ZNF251: variants seen among roughly 807,000 people sequenced by gnomAD.
ZNF251 encodes the protein zinc finger protein 251.
ZNF251 carries 14 observed loss-of-function variants against 13.5 expected under a neutral mutation model. The observed-to-expected ratio is 1.04, with a 90% CI of 0.69 to 1.63. The LOEUF is 1.63. ZNF251 is among the 40% of genes most tolerant of loss of function. ZNF251 has a pLI of 0.00. For missense variants in ZNF251, 764 were observed against 834.9 expected (o/e 0.92, Z 1.05); for synonymous variants, 287 against 295.2 (o/e 0.97, Z 0.28).
chr8:144,725,323 T>A (rs1586680036), intron 4 of ZNF251, among the ~76,000 whole-genome samples: 1 of 150,234 alleles, frequency 6.7e-6, no homozygotes, highest in Non-Finnish European at 1.5e-5. Flanking sequence ...CCTCTTTTTT[T>A]AAAAGACAGG....
chr8:144,729,444 C>G (rs1383035379), intron 4 of ZNF251, among the ~76,000 whole-genome samples: 1 of 151,132 alleles, frequency 6.6e-6, no homozygotes, highest in African/African-American at 2.4e-5. Flanking sequence ...TCACGCCATT[C>G]TCCTGCCTCA....
At chr8:144,725,056 C>G (rs373636444) in intron 4 of ZNF251, among the ~76,000 whole-genome samples, 3 of 152,172 alleles carry the variant, frequency 2.0e-5, no homozygotes, top group African/African-American at 4.8e-5. Context: ...TCTTGTTGCC[C>G]AGACTGGAGT....
chr8:144,745,353 T>G (rs1256818792), intron 4 of ZNF251, among the ~76,000 whole-genome samples: 1 of 152,152 alleles, frequency 6.6e-6, no homozygotes, highest in African/African-American at 2.4e-5. Flanking sequence ...TTCATTGATC[T>G]ATTTTTTCTG....
At chr8:144,728,169 C>T (rs1225145143) in intron 4 of ZNF251, among the ~76,000 whole-genome samples, 3 of 152,010 alleles carry the variant, frequency 2.0e-5, no homozygotes, top group Non-Finnish European at 2.9e-5. Flanking sequence ...GGCCTAGTTT[C>T]GATATTGCTG....
At position 144,722,226 on chromosome 8, in the gene ZNF251, T is replaced by C. The variant is rs1028793389; in HGVS notation, c.1434A>G (p.Leu478=). The C allele has an allele frequency of 2.5e-6, 4 of 1,602,800 alleles. No individual in the cohort carries two copies. In the Admixed American group the frequency reaches 5.1e-5, roughly 20 times the overall value. ...KAFSQSSQLT[L]HQRVHTGEKP... ...TCTCTCCAGTGTGAACTCGCTGATG[T>C]AGGGTGAGCTGGGAGCTCTGGCTGA... Residue 478 remains leucine, a synonymous_variant, in exon 5 of 5, where the codon CTA becomes CTG. Coordinates refer to ENST00000292562, the MANE Select transcript of ZNF251 (RefSeq NM_138367.2). The surrounding 1 kb of genome is among the most constrained non-coding windows in gnomAD (Gnocchi z 4.8).
At chr8:144,724,137 A>T (rs1042155266) in intron 4 of ZNF251, among the ~76,000 whole-genome samples, 1 of 151,902 alleles carries the variant, frequency 6.6e-6, no homozygotes. Context: ...CCAGCTACTC[A>T]GGAGGCTGAG....
chr8:144,754,884 C>A, intron 1 of ZNF251, 81 bp from the exon 2 acceptor site: 1 of 1,457,174 alleles, frequency 6.9e-7, no homozygotes, highest in Admixed American at 2.8e-5. Flanking sequence ...CTGATTGCTG[C>A]TGTGGCCTCC....
intron 4 of ZNF251, among the ~76,000 whole-genome samples, chr8:144,727,715 A>C (rs1037521203): frequency 2.0e-5 from 3 of 152,222 alleles, no homozygotes; most frequent in African/African-American, 7.2e-5. Context: ...AGGGGGACTG[A>C]AACTGTCTCC....
intron 4 of ZNF251, among the ~76,000 whole-genome samples, chr8:144,740,661 T>C (rs1237633905): frequency 6.8e-6 from 1 of 146,128 alleles, no homozygotes; most frequent in East Asian, 2.1e-4. Flanking sequence ...TAGGCCACCA[T>C]GGTGGCTCAC....
rs564282595 is a variant in ZNF251, at chr8:144,722,986, C to T, written c.674G>A (p.Ser225Asn). Residue 225 changes from serine to asparagine, a missense_variant, in exon 5 of 5, where the codon AGT (serine) becomes AAT (asparagine). Physicochemically the swap from Ser to Asn is conservative, Grantham distance 46. Transcript: ENST00000292562. This position sits in a 1 kb window ranked among gnomAD's most constrained non-coding sequence, Gnocchi z 4.8. Reference sequence around the variant, plus strand: ...CCCAGTGTGACTTCTCTGGTGTCTACTTAGGTCTGAATTATATTTGAAGGT... The same window carrying T: ...CCCAGTGTGACTTCTCTGGTGTCTATTTAGGTCTGAATTATATTTGAAGGT... ...SKTFKYNSDL[S>N]RHQRSHTGEK... 2 of 1,613,922 alleles carry T rather than the reference C, an allele frequency of 1.2e-6. No homozygotes were observed. The highest frequency in any genetic ancestry group is 1.7e-5 in the Admixed American group (1 of 60,016).
rs1344760124 is a variant in ZNF251 at position 144,723,009 on chromosome 8, G to C, written c.651C>G (p.Thr217=). ...TACTTAGGTCTGAATTATATTTGAA[G>C]GTTTTGCTGCATATATCACATTTAA... The part of the protein sequence containing the change: ...RVFKCDICSK[T]FKYNSDLSRH... The change falls in exon 5 of 5, where the codon ACC becomes ACG. Residue 217 remains threonine (T), a synonymous_variant. Transcript: ENST00000292562. 1 of 1,613,766 alleles carries C rather than the reference G, an allele frequency of 6.2e-7. No individual in the cohort carries two copies. The highest frequency in any genetic ancestry group is 8.5e-7 in the Non-Finnish European group (1 of 1,179,860).
At chr8:144,726,465 GAT>G (rs1823520418) in intron 4 of ZNF251, among the ~76,000 whole-genome samples, 1 of 150,894 alleles carries the variant, frequency 6.6e-6, no homozygotes, top group South Asian at 2.1e-4. Context: ...TGAACCAGGA[GAT>G]GGAGGTTGCA....
At chr8:144,755,270 T>G in intron 1 of ZNF251, 135 bp downstream of exon 1, 1 of 977,340 alleles carries the variant, frequency 1.0e-6, no homozygotes, top group South Asian at 1.6e-5. Context: ...TCCCGGCCTC[T>G]GCAGCCCGTC....
At chr8:144,754,171 G>A (rs767164251) in intron 3 of ZNF251, 21 bp downstream of exon 3, 5 of 1,605,460 alleles carry the variant, frequency 3.1e-6, no homozygotes, top group Non-Finnish European at 4.3e-6. Context: ...TGCGAACCAG[G>A]CCAAGTGCAG....
intron 4 of ZNF251, among the ~76,000 whole-genome samples, chr8:144,743,862 G>A (rs1265625090): frequency 6.6e-6 from 1 of 152,140 alleles, no homozygotes; most frequent in Non-Finnish European, 1.5e-5. Flanking sequence ...TCCATTCGGA[G>A]CCTATTCAGG....
intron 1 of ZNF251, 47 bp from the exon 2 acceptor site, chr8:144,754,850 G>T: frequency 6.7e-7 from 1 of 1,489,396 alleles, no homozygotes; most frequent in Non-Finnish European, 8.9e-7. Context: ...CCAGGGGTGT[G>T]GAAGGATGGC....
intron 4 of ZNF251, among the ~76,000 whole-genome samples, chr8:144,730,678 C>G (rs1181138367): frequency 7.2e-5 from 11 of 152,236 alleles, no homozygotes; most frequent in African/African-American, 9.6e-5. Flanking sequence ...CACATGGAGG[C>G]ACTGCCAGAG....
intron 4 of ZNF251, among the ~76,000 whole-genome samples, chr8:144,744,633 A>G (rs1824331485): frequency 6.6e-6 from 1 of 152,190 alleles, no homozygotes; most frequent in South Asian, 2.1e-4. Context: ...ATACCAGAGA[A>G]CTTGCACTTT....
intron 1 of ZNF251, 128 bp from the exon 2 acceptor site, chr8:144,754,931 C>A (rs1824887613): frequency 1.4e-6 from 2 of 1,424,798 alleles, no homozygotes; most frequent in African/African-American, 1.4e-5. Context: ...CAGCACGGGC[C>A]GACGTGCCCT....
Sources: allele counts gnomAD v4.1 joint callset (sites outside exome capture counted in the v4.1 genomes callset), GRCh38; gene constraint gnomAD v4.1.1; non-coding constraint Gnocchi (gnomAD v3.1); transcripts MANE v1.5; gene names NCBI Gene and HGNC (gene_info 2026-07-23, HGNC 2026-07-21).